Variants in RPS6KA2 observed in about 807,000 individuals in gnomAD.
The protein encoded by RPS6KA2 is ribosomal protein S6 kinase alpha-2.
RPS6KA2 carries 42 observed loss-of-function variants against 91.8 expected under a neutral mutation model. The observed-to-expected ratio is 0.46, with a 90% confidence interval of 0.36 to 0.59. The LOEUF is 0.59. Among genes scored for constraint, RPS6KA2 ranks in the 20% least tolerant of loss-of-function variants. The pLI, the probability that RPS6KA2 is intolerant of heterozygous loss-of-function variation, is 0.00. For synonymous variants in RPS6KA2, 414 were observed against 393.6 expected (o/e 1.05, Z -0.61); for missense variants, 798 against 978.5 (o/e 0.82, Z 2.46).
In RPS6KA2 at chr6:166,480,477, T is replaced by TATATATA. The variant is rs1347612534; in HGVS notation, c.907+8355_907+8356insTATATAT. Among the ~76,000 whole-genome samples the TATATATA allele has an allele frequency of 2.5e-4, 11 of 43,912 alleles. 1 individual carries two copies. The highest frequency in any genetic ancestry group is 2.1e-3 in the Admixed American group (7 of 3,266). The allele number at this position is 43,912 out of a possible 152,430, so 28.8% of individuals were successfully genotyped here. ...AATCTTATATTCCTTAAGATTGTGA[T>TATATATA]TTTATATATATATATATATATATAT... On this transcript the variant is annotated intron_variant, in intron 10 of 20. Transcript: ENST00000265678.
chr6:166,587,495 C>T (rs1216631843), intron 1 of RPS6KA2, among the ~76,000 whole-genome samples: 3 of 152,040 alleles, frequency 2.0e-5, no homozygotes, highest in Non-Finnish European at 4.4e-5. Context: ...TAAATGAACC[C>T]ACGCATGTAA....
intron 2 of RPS6KA2, among the ~76,000 whole-genome samples, chr6:166,837,953 GT>G (rs1160625652): frequency 6.6e-6 from 1 of 152,246 alleles, no homozygotes; most frequent in Non-Finnish European, 1.5e-5. Flanking sequence ...AGAAACAGAA[GT>G]TTTTCTGGTT....
At chr6:166,642,142 C>T (rs1319850073) in intron 2 of RPS6KA2, among the ~76,000 whole-genome samples, 1 of 151,898 alleles carries the variant, frequency 6.6e-6, no homozygotes, top group Non-Finnish European at 1.5e-5. Context: ...AAAAAAAAAT[C>T]TCTCCAGAGC....
chr6:166,454,282 G>C (rs192888632), intron 12 of RPS6KA2, among the ~76,000 whole-genome samples: 1 of 152,132 alleles, frequency 6.6e-6, no homozygotes, highest in Non-Finnish European at 1.5e-5. Flanking sequence ...GGCAGATCAC[G>C]AGGTCAGGAG....
intron 1 of RPS6KA2, among the ~76,000 whole-genome samples, chr6:166,604,089 A>G (rs1785849939): frequency 6.6e-6 from 1 of 152,208 alleles, no homozygotes; most frequent in African/African-American, 2.4e-5. Flanking sequence ...TCCATGGAAA[A>G]GCTCCAGAGA....
chr6:166,528,192 A>G (rs556488489), intron 3 of RPS6KA2, among the ~76,000 whole-genome samples: 10 of 152,334 alleles, frequency 6.6e-5, no homozygotes, highest in East Asian at 1.9e-4. Flanking sequence ...TTAACTTCCT[A>G]TTTTGAAGAG....
At chr6:166,438,161 G>A (rs1298753681) in intron 14 of RPS6KA2, among the ~76,000 whole-genome samples, 2 of 152,222 alleles carry the variant, frequency 1.3e-5, no homozygotes, top group African/African-American at 4.8e-5. Flanking sequence ...ACTAATGACA[G>A]AGAGAAAGAA....
At chr6:166,735,546 G>T (rs1790651414) in intron 2 of RPS6KA2, among the ~76,000 whole-genome samples, 1 of 152,168 alleles carries the variant, frequency 6.6e-6, no homozygotes, top group Non-Finnish European at 1.5e-5. Flanking sequence ...GAATCAGTGG[G>T]AGTCCTAAGC....
chr6:166,557,924 G>A lies in RPS6KA2; in HGVS notation c.100-19140C>T, dbSNP rs1013792141. 9.9e-5 allele frequency among the ~76,000 whole-genome samples: 15 copies of A among 152,080 alleles called. No individual in the cohort carries two copies. The highest frequency in any genetic ancestry group is 1.9e-4 in the Non-Finnish European group (13 of 68,020). ...AACAAAACCAGTAGGTGATATGTGT[G>A]TATGTGTGTGGGTGTGGGTGTGTAT... On this transcript the variant is annotated intron_variant, in intron 1 of 20. Coordinates refer to ENST00000265678, the MANE Select transcript of RPS6KA2 (RefSeq NM_021135.6). The surrounding 1 kb of genome is among the most constrained non-coding windows in gnomAD (Gnocchi z 4.8).
intron 2 of RPS6KA2, among the ~76,000 whole-genome samples, chr6:166,818,476 T>C (rs1188589408): frequency 6.6e-6 from 1 of 152,196 alleles, no homozygotes; most frequent in African/African-American, 2.4e-5. Context: ...CCATCCCTCA[T>C]GAAGCTGTGT....
intron 1 of RPS6KA2, among the ~76,000 whole-genome samples, chr6:166,587,176 C>G (rs985381768): frequency 6.6e-6 from 1 of 152,212 alleles, no homozygotes; most frequent in South Asian, 2.1e-4. Context: ...CTTTTATGAA[C>G]TCAGGGAAAT....
At chr6:166,717,727 A>G (rs1482825187) in intron 2 of RPS6KA2, among the ~76,000 whole-genome samples, 1 of 152,216 alleles carries the variant, frequency 6.6e-6, no homozygotes, top group African/African-American at 2.4e-5. Flanking sequence ...GCATGCTGAA[A>G]TGACCCAGAA....
At chr6:166,583,501 C>G (rs1315512424) in intron 1 of RPS6KA2, among the ~76,000 whole-genome samples, 1 of 152,246 alleles carries the variant, frequency 6.6e-6, no homozygotes, top group Non-Finnish European at 1.5e-5. Context: ...CTTCTCTGAG[C>G]TCTGGCCAGG....
At chr6:166,837,422 G>A (rs1391645351) in intron 2 of RPS6KA2, among the ~76,000 whole-genome samples, 2 of 152,170 alleles carry the variant, frequency 1.3e-5, no homozygotes, top group African/African-American at 4.8e-5. Context: ...CCTCTTCCCC[G>A]AAGCAGGGCC....
In RPS6KA2 at chr6:166,409,859, T is replaced by A. The variant is rs1264555285; in HGVS notation, c.*2903A>T. 1 of 152,574 alleles carries A rather than the reference T, an allele frequency of 6.6e-6. No individual in the cohort carries two copies. Among genetic ancestry groups the A allele is most frequent in the East Asian group, 1.9e-4 (1 of 5,206 alleles). The allele number at this position is 152,574 out of a possible 1,614,324, so 9.5% of individuals were successfully genotyped here. The stretch of plus-strand genomic sequence containing the variant: ...TTTAATGAACAATACTGGATAACAT[T>A]AAGTACTATTATCACTTTAAAATTC... On this transcript the variant is annotated 3_prime_UTR_variant, in exon 21 of 21. Coordinates refer to ENST00000265678, the MANE Select transcript of RPS6KA2 (RefSeq NM_021135.6).
At chr6:166,438,969 G>A (rs1779431145) in intron 14 of RPS6KA2, among the ~76,000 whole-genome samples, 2 of 152,160 alleles carry the variant, frequency 1.3e-5, no homozygotes, top group Admixed American at 6.5e-5. Flanking sequence ...CCTGAACAAG[G>A]GGATTGCTGC....
rs75225867 is a variant in RPS6KA2 at position 166,432,418 on chromosome 6, T to C, written c.1405A>G (p.Ile469Val). Residue 469 changes from isoleucine to valine, a missense_variant, in exon 15 of 21, where the codon ATC becomes GTC. By Grantham distance (29) the Ile-to-Val change is conservative. Coordinates refer to ENST00000265678, the MANE Select transcript of RPS6KA2 (RefSeq NM_021135.6). ...CCACTCACATCCTTGAGGGTGATGA[T>C]GTTCGGGTGCTGGCCGTACCGCAGG... ...ILLRYGQHPN[I>V]ITLKDVYDDG... 290 of 1,612,656 alleles carry C rather than the reference T, an allele frequency of 1.8e-4. No individual in the cohort carries two copies. The highest frequency in any genetic ancestry group is 2.3e-4 in the Non-Finnish European group (276 of 1,178,730).
chr6:166,801,471 T>C (rs1388670065), intron 2 of RPS6KA2, among the ~76,000 whole-genome samples: 1 of 152,150 alleles, frequency 6.6e-6, no homozygotes, highest in Non-Finnish European at 1.5e-5. Context: ...GCTTCCCAAA[T>C]AGCTGGGACT....
chr6:166,568,145 C>G (rs992661881), intron 1 of RPS6KA2, among the ~76,000 whole-genome samples: 4 of 152,126 alleles, frequency 2.6e-5, no homozygotes, highest in Non-Finnish European at 4.4e-5. Flanking sequence ...CTTGGGGTGA[C>G]AGGAATCTTT....
Sources: gnomAD v4.1 joint callset for allele counts (sites outside exome capture counted in the v4.1 genomes callset) on GRCh38, gnomAD v4.1.1 for gene constraint, Gnocchi (gnomAD v3.1) non-coding constraint, MANE v1.5 for transcripts, NCBI Gene and HGNC (gene_info 2026-07-23, HGNC 2026-07-21) for gene names.